TXNRD1: variants seen among roughly 807,000 people sequenced by gnomAD.
TXNRD1 encodes the protein thioredoxin reductase 1, also known as thioredoxin reductase 1, cytoplasmic.
Under a neutral mutation model 80.3 loss-of-function variants are expected in TXNRD1, and 57 were observed. The observed-to-expected ratio is 0.71, with a 90% CI of 0.57 to 0.89. The LOEUF is 0.89. TXNRD1 is among the 40% of genes least tolerant of loss of function. TXNRD1 has a pLI of 0.00. For synonymous variants in TXNRD1, 291 were observed against 285.2 expected, an observed-to-expected ratio of 1.02 and a Z score of -0.20; for missense variants, 730 against 803.0, an observed-to-expected ratio of 0.91 and a Z score of 1.10.
intron 1 of TXNRD1, among the ~76,000 whole-genome samples, chr12:104,216,400 C>T (rs535992239): frequency 9.2e-5 from 14 of 152,364 alleles, no homozygotes; most frequent in African/African-American, 3.4e-4. Context: ...TCCCGGCCCC[C>T]TTTCTCCATC....
Position 104,294,240 on chromosome 12 carries a change from C to CT in TXNRD1, c.414+5200_414+5201insT. 1.6e-5 allele frequency among the ~76,000 whole-genome samples: 2 copies of CT among 123,734 alleles called. 1 individual carries two copies. The highest frequency in any genetic ancestry group is 1.6e-4 in the Admixed American group (2 of 12,654). The allele number at this position is 123,734 out of a possible 152,430, so 81.2% of individuals were successfully genotyped here. On this transcript the variant is annotated intron_variant, in intron 4 of 16. Coordinates refer to ENST00000525566, the MANE Select transcript of TXNRD1 (RefSeq NM_001093771.3). ...AAACTCCCCCGGGGAAAGGCCCCCCCCCCCGCCGCCGGCTTTCCCGGTCTG... is the reference window on the plus strand; with the variant it reads ...AAACTCCCCCGGGGAAAGGCCCCCCCTCCCCGCCGCCGGCTTTCCCGGTCTG...
chr12:104,339,299 T>G (rs2036245497), intron 16 of TXNRD1, 26 bp downstream of exon 16: 1 of 1,612,740 alleles, frequency 6.2e-7, no homozygotes, highest in African/African-American at 1.3e-5. Context: ...TTATACAGTT[T>G]AAAATGTTTA....
intron 7 of TXNRD1, among the ~76,000 whole-genome samples, chr12:104,317,768 C>T (rs965307608): frequency 6.6e-6 from 1 of 152,180 alleles, no homozygotes; most frequent in Non-Finnish European, 1.5e-5. Flanking sequence ...CCCAGGAGTT[C>T]AAGGCTGCAG....
intron 7 of TXNRD1, 99 bp downstream of exon 7, chr12:104,315,995 C>A: frequency 7.5e-7 from 1 of 1,339,340 alleles, no homozygotes; most frequent in Admixed American, 2.7e-5. Flanking sequence ...AGCAAATAGC[C>A]TAGTTGTTTT....
intron 4 of TXNRD1, among the ~76,000 whole-genome samples, chr12:104,290,261 G>A (rs1264068233): frequency 6.6e-6 from 1 of 152,010 alleles, no homozygotes; most frequent in Admixed American, 6.6e-5. Context: ...ATGGTTATAG[G>A]GAATGGATCT....
At chr12:104,305,006 A>T in intron 4 of TXNRD1, 1 of 1,427,718 alleles carries the variant, frequency 7.0e-7, no homozygotes, top group Admixed American at 2.7e-5. Flanking sequence ...ATGTAAACTG[A>T]AGCACATATT....
In TXNRD1 at chr12:104,318,159, CT is replaced by C. The variant is rs2035396883; in HGVS notation, c.731-751del. Among the ~76,000 whole-genome samples, 4 of 152,094 alleles carry C rather than the reference CT, an allele frequency of 2.6e-5. No individual in the cohort carries two copies. In the South Asian group the frequency reaches 8.3e-4, roughly 32 times the overall value. ...GGCAACCAAAGGGTTGATTTTTATC[CT>C]TTGAAATTTAATATTACTTTAGTGT... On this transcript the variant is annotated intron_variant, in intron 7 of 16. Coordinates refer to ENST00000525566, the MANE Select transcript of TXNRD1 (RefSeq NM_001093771.3).
intron 3 of TXNRD1, among the ~76,000 whole-genome samples, chr12:104,277,331 C>T (rs1450038938): frequency 6.7e-6 from 1 of 148,998 alleles, no homozygotes; most frequent in Non-Finnish European, 1.5e-5. Flanking sequence ...ACCCGGGAGG[C>T]GGAGCTTGCA....
chr12:104,348,475 C>A lies in TXNRD1; in HGVS notation c.*54C>A. On this transcript the variant is annotated 3_prime_UTR_variant, in exon 17 of 17. Transcript: ENST00000525566. ...TGCAAACCACTGGCTCGTTTCCGTGCCCAAATCCAAGGCGAAGTTTTCTAG... is the reference window on the plus strand; with the variant it reads ...TGCAAACCACTGGCTCGTTTCCGTGACCAAATCCAAGGCGAAGTTTTCTAG... 6.3e-7 allele frequency: 1 copy of A among 1,585,188 alleles called. No homozygotes were observed. The highest frequency in any genetic ancestry group is 8.7e-7 in the Non-Finnish European group (1 of 1,154,846).
chr12:104,346,886 G>A (rs549079708), intron 16 of TXNRD1, among the ~76,000 whole-genome samples: 17 of 152,274 alleles, frequency 1.1e-4, no homozygotes, highest in African/African-American at 3.6e-4. Flanking sequence ...CCTGAGGTCA[G>A]GAGTTTGAGA....
intron 1 of TXNRD1, among the ~76,000 whole-genome samples, chr12:104,218,985 CTAGAT>C (rs922888845): frequency 6.6e-6 from 1 of 152,136 alleles, no homozygotes; most frequent in Non-Finnish European, 1.5e-5. Flanking sequence ...ACTCTGTTGC[CTAGAT>C]TAGAGTGCAG....
At chr12:104,327,721 C>G (rs1258775490) in intron 13 of TXNRD1, 50 bp downstream of exon 13, 2 of 1,566,502 alleles carry the variant, frequency 1.3e-6, no homozygotes, top group Admixed American at 1.8e-5. Context: ...GTAATACTCC[C>G]AGTTCCTTAT....
chr12:104,265,621 G>A (rs2033466710), intron 3 of TXNRD1: 5 of 1,607,290 alleles, frequency 3.1e-6, no homozygotes, highest in African/African-American at 2.7e-5. Context: ...CACCGCAGGC[G>A]CTGTCACCCA....
rs1565864376 is a variant in TXNRD1, at chr12:104,254,647, ATAT to A, written c.243+2970_243+2972del. ...TGTCTATGGAAAAAAAAAAAAAAAT[ATAT>A]ATATATATATATATATCAGCATGGT... On this transcript the variant is annotated intron_variant, in intron 2 of 16. Coordinates refer to ENST00000525566, the MANE Select transcript of TXNRD1 (RefSeq NM_001093771.3). 1.2e-4 allele frequency among the ~76,000 whole-genome samples: 13 copies of A among 108,752 alleles called. 1 individual carries two copies. The highest frequency in any genetic ancestry group is 4.1e-4 in the African/African-American group (11 of 27,050). 71.3% of individuals were successfully genotyped at this position (108,752 alleles called of 152,430 possible). A position where few individuals can be genotyped will look rare whatever the true frequency, so the allele number is the denominator to read the frequency against.
intron 3 of TXNRD1, chr12:104,286,828 C>A: frequency 9.5e-7 from 1 of 1,051,492 alleles, no homozygotes; most frequent in Non-Finnish European, 1.2e-6. Flanking sequence ...AGGTTGGGGG[C>A]GGCTATGAGC....
intron 15 of TXNRD1, among the ~76,000 whole-genome samples, chr12:104,337,211 T>TA (rs201002851): frequency 0.017 from 2,533 of 152,086 alleles, 74 homozygotes; most frequent in South Asian, 0.052. Flanking sequence ...GGATACGCTT[T>TA]ATTCATACCA....
intron 5 of TXNRD1, among the ~76,000 whole-genome samples, 151 bp from the exon 6 acceptor site, chr12:104,313,090 TTAAC>T (rs1179195415): frequency 2.6e-5 from 4 of 152,228 alleles, no homozygotes; most frequent in Non-Finnish European, 5.9e-5. Flanking sequence ...ATCCTGGAGT[TTAAC>T]TAATCATCAT....
At chr12:104,234,077 T>C (rs1479785696) in intron 1 of TXNRD1, among the ~76,000 whole-genome samples, 2 of 152,332 alleles carry the variant, frequency 1.3e-5, no homozygotes, top group South Asian at 4.1e-4. Context: ...TGAGAATACC[T>C]GTTAAAGTCC....
chr12:104,218,065 A>G (rs1418673047), intron 1 of TXNRD1, among the ~76,000 whole-genome samples: 1 of 151,412 alleles, frequency 6.6e-6, no homozygotes, highest in African/African-American at 2.4e-5. Context: ...GTCTTGCTCT[A>G]TCGCCAGGCT....
Sources: allele counts gnomAD v4.1 joint callset (sites outside exome capture counted in the v4.1 genomes callset), GRCh38; gene constraint gnomAD v4.1.1; transcripts MANE v1.5; gene names NCBI Gene and HGNC (gene_info 2026-07-23, HGNC 2026-07-21).